ASCC3: variants seen among roughly 807,000 people sequenced by gnomAD.
The protein encoded by ASCC3 is ASC-1 complex subunit P200.
ASCC3 carries 158 observed loss-of-function variants against 256.3 expected under a neutral mutation model. That is an observed-to-expected ratio of 0.62 (90% CI 0.54 to 0.70). The LOEUF (loss-of-function observed/expected upper bound fraction) is 0.70, where lower values mean the gene tolerates loss of function less well. Ranked by LOEUF, ASCC3 falls within the 30% of genes least tolerant of loss-of-function variation. ASCC3 has a pLI of 0.00. For synonymous variants in ASCC3, 948 were observed against 883.4 expected, an observed-to-expected ratio of 1.07 and a Z score of -1.30; for missense variants, 2,259 against 2,626.0, an observed-to-expected ratio of 0.86 and a Z score of 3.05.
intron 36 of ASCC3, among the ~76,000 whole-genome samples, chr6:100,546,329 G>T (rs1582424684): frequency 6.6e-6 from 1 of 152,294 alleles, no homozygotes; most frequent in South Asian, 2.1e-4. Flanking sequence ...AGTTGAAGCT[G>T]CAGCAGGCCC....
intron 37 of ASCC3, among the ~76,000 whole-genome samples, chr6:100,532,032 C>G (rs192717283): frequency 4.0e-5 from 6 of 150,572 alleles, no homozygotes; most frequent in Non-Finnish European, 1.5e-5. Flanking sequence ...AAATGAAATT[C>G]TCTTAATTTA....
At chr6:100,850,385 C>G (rs1582960356) in intron 3 of ASCC3, among the ~76,000 whole-genome samples, 1 of 152,132 alleles carries the variant, frequency 6.6e-6, no homozygotes, top group South Asian at 2.1e-4. Flanking sequence ...GAATATAGCT[C>G]AACTACCTCT....
At chr6:100,861,123 GA>G (rs1466122247) in intron 3 of ASCC3, among the ~76,000 whole-genome samples, 1 of 152,034 alleles carries the variant, frequency 6.6e-6, no homozygotes, top group African/African-American at 2.4e-5. Context: ...CTGAAAAGTA[GA>G]CTTACTAGGA....
chr6:100,663,233 G>T (rs79112469), intron 14 of ASCC3, among the ~76,000 whole-genome samples: 4,576 of 152,108 alleles, frequency 0.03, 76 homozygotes, highest in African/African-American at 0.055. Flanking sequence ...GAGTATAGAG[G>T]AGTCCTTCCT....
intron 8 of ASCC3, among the ~76,000 whole-genome samples, chr6:100,786,249 T>C (rs557168540): frequency 1.2e-4 from 18 of 152,278 alleles, no homozygotes; most frequent in African/African-American, 4.3e-4. Flanking sequence ...TAGGGTGCTA[T>C]GTCAATAGTT....
intron 3 of ASCC3, among the ~76,000 whole-genome samples, chr6:100,863,813 G>A (rs868450505): frequency 6.6e-5 from 10 of 152,052 alleles, no homozygotes; most frequent in African/African-American, 2.2e-4. Flanking sequence ...AGTAGAGACA[G>A]GGTTTTGCCA....
chr6:100,573,009 T>G (rs542569231), intron 36 of ASCC3, among the ~76,000 whole-genome samples: 24 of 152,254 alleles, frequency 1.6e-4, no homozygotes, highest in African/African-American at 5.3e-4. Flanking sequence ...TCCCTCAGCA[T>G]GAAGGGGTAT....
chr6:100,663,415 G>A (rs1776322395), intron 14 of ASCC3, among the ~76,000 whole-genome samples: 1 of 152,088 alleles, frequency 6.6e-6, no homozygotes, highest in Middle Eastern at 3.4e-3. Flanking sequence ...AAAATGAATC[G>A]TCCCTTTGTC....
chr6:100,587,858 A>T (rs1158565076), intron 36 of ASCC3, among the ~76,000 whole-genome samples: 3 of 152,200 alleles, frequency 2.0e-5, no homozygotes, highest in Admixed American at 6.5e-5. Flanking sequence ...GAGAAGACTA[A>T]AACAAACGTT....
chr6:100,687,030 T>TCACACACACACACACACA lies in ASCC3; in HGVS notation c.2152-7279_2152-7278insTGTGTGTGTGTGTGTGTG, dbSNP rs1164501730. Among the ~76,000 whole-genome samples the TCACACACACACACACACA allele has an allele frequency of 1.9e-3, 251 of 129,278 alleles. 1 individual carries two copies. The highest frequency in any genetic ancestry group is 4.0e-3 in the Middle Eastern group (1 of 252). The allele number at this position is 129,278 out of a possible 152,430, so 84.8% of individuals were successfully genotyped here. On this transcript the variant is annotated intron_variant, in intron 13 of 41. Transcript: ENST00000369162. ...ACTTAAATCTCTCTCTCTCTCTCTCTCTCTCACACACACACACACACACAC... is the reference window on the plus strand; with the variant it reads ...ACTTAAATCTCTCTCTCTCTCTCTCTCACACACACACACACACACTCTCACACACACACACACACACAC...
Position 100,667,716 on chromosome 6 carries a change from C to T in ASCC3, c.2287-5180G>A, listed in dbSNP as rs187756146. ...TCCTTATCTTGGTGCACTGAATATA[C>T]GATAAGGTAAACAGAATGAGGAGAG... On this transcript the variant is annotated intron_variant, in intron 14 of 41. Coordinates refer to ENST00000369162, the MANE Select transcript of ASCC3 (RefSeq NM_006828.4). 5.3e-5 allele frequency among the ~76,000 whole-genome samples: 8 copies of T among 151,954 alleles called. No homozygotes were observed. In the East Asian group the frequency reaches 5.8e-4, roughly 11 times the overall value.
At chr6:100,516,090 G>A in intron 39 of ASCC3, 90 bp downstream of exon 39, 1 of 1,513,198 alleles carries the variant, frequency 6.6e-7, no homozygotes, top group South Asian at 1.1e-5. Context: ...AGGTGAGCCT[G>A]GTTCCAAAAT....
rs1483883526 is a variant in ASCC3 at position 100,638,635 on chromosome 6, A to G, written c.4088T>C (p.Ile1363Thr). 1.9e-6 allele frequency: 3 copies of G among 1,613,816 alleles called. No individual in the cohort carries two copies. The highest frequency in any genetic ancestry group is 2.7e-5 in the African/African-American group (2 of 74,920). The change falls in exon 25 of 42, where the codon ATT (isoleucine) becomes ACT (threonine). Residue 1363 changes from isoleucine to threonine, a missense_variant. Around this residue, in one of 2 missense-constraint regions of ASCC3, gnomAD observed 1,839 missense variants for 2,206.7 expected, o/e 0.83. Transcript: ENST00000369162. Reference protein sequence around the residue: ...SGKTVAAELAIFRVFNKYPTS... With the variant: ...SGKTVAAELATFRVFNKYPTS... ...AGGGTATTTGTTGAAGACTCTGAAA[A>G]TGGCTAATTCAGCTGCAACAGTCTT...
chr6:100,717,849 A>G (rs1446656825), intron 12 of ASCC3, among the ~76,000 whole-genome samples: 1 of 152,130 alleles, frequency 6.6e-6, no homozygotes, highest in Non-Finnish European at 1.5e-5. Context: ...AACTATGACA[A>G]GCTACTTTCT....
At chr6:100,755,136 CA>C (rs1313710089) in intron 10 of ASCC3, among the ~76,000 whole-genome samples, 1 of 151,802 alleles carries the variant, frequency 6.6e-6, no homozygotes, top group Non-Finnish European at 1.5e-5. Context: ...TTAAAACTCT[CA>C]AAAGTAGAAT....
chr6:100,797,489 A>AC (rs374368630), intron 8 of ASCC3, among the ~76,000 whole-genome samples: 17,058 of 149,054 alleles, frequency 0.11, 1,331 homozygotes, highest in Non-Finnish European at 0.18. Flanking sequence ...AAAAAAAAAA[A>AC]AAACTTAAAA....
chr6:100,655,393 T>C (rs1775867439), intron 17 of ASCC3, among the ~76,000 whole-genome samples: 1 of 151,852 alleles, frequency 6.6e-6, no homozygotes, highest in Admixed American at 6.6e-5. Context: ...TAATTTATTC[T>C]AAAACGAAAT....
intron 13 of ASCC3, among the ~76,000 whole-genome samples, chr6:100,698,545 A>G (rs1171763722): frequency 7.2e-5 from 11 of 152,154 alleles, no homozygotes. Flanking sequence ...TGGTGACAAA[A>G]ATGATAAGTC....
intron 11 of ASCC3, among the ~76,000 whole-genome samples, chr6:100,721,751 T>A (rs1016861018): frequency 8.6e-5 from 13 of 151,576 alleles, no homozygotes; most frequent in African/African-American, 3.1e-4. Context: ...TCATTTCTAC[T>A]GAAGAAATCA....
Sources: allele counts gnomAD v4.1 joint callset (sites outside exome capture counted in the v4.1 genomes callset), GRCh38; gene constraint gnomAD v4.1.1; regional missense constraint gnomAD v4.1.1; transcripts MANE v1.5; gene names NCBI Gene and HGNC (gene_info 2026-07-23, HGNC 2026-07-21).